Variants in CTNNA2 observed in about 807,000 individuals in gnomAD.
The protein encoded by CTNNA2 is catenin alpha-2.
A neutral mutation model predicts 101.0 loss-of-function variants in CTNNA2; 42 were observed. The observed-to-expected ratio is 0.42, with a 90% CI of 0.32 to 0.54. CTNNA2 has a LOEUF of 0.54. Ranked by LOEUF, CTNNA2 falls within the 20% of genes least tolerant of loss-of-function variation. The pLI is 0.14. For synonymous variants in CTNNA2, 450 were observed against 456.4 expected, an observed-to-expected ratio of 0.99 and a Z score of 0.18; for missense variants, 871 against 1,223.1, an observed-to-expected ratio of 0.71 and a Z score of 4.29.
intron 3 of CTNNA2, among the ~76,000 whole-genome samples, chr2:79,803,545 T>C (rs537126695): frequency 1.8e-4 from 27 of 150,586 alleles, no homozygotes; most frequent in African/African-American, 6.5e-4. Context: ...CTGTTGTTTG[T>C]GGCTTAAGGA....
At chr2:79,757,391 G>A (rs62140152) in intron 3 of CTNNA2, among the ~76,000 whole-genome samples, 1 of 152,162 alleles carries the variant, frequency 6.6e-6, no homozygotes, top group African/African-American at 2.4e-5. Flanking sequence ...TTATACATCT[G>A]TATGAATAAG....
At chr2:79,759,983 C>G (rs1672669226) in intron 3 of CTNNA2, among the ~76,000 whole-genome samples, 1 of 152,146 alleles carries the variant, frequency 6.6e-6, no homozygotes, top group South Asian at 2.1e-4. Context: ...GGTCTTAAAG[C>G]TATTCATTTT....
At chr2:80,134,094 T>G (rs1385298811) in intron 7 of CTNNA2, among the ~76,000 whole-genome samples, 2 of 152,156 alleles carry the variant, frequency 1.3e-5, no homozygotes, top group Non-Finnish European at 2.9e-5. Flanking sequence ...GTTGGGAAAA[T>G]TAACCCAGAG....
intron 4 of CTNNA2, among the ~76,000 whole-genome samples, chr2:79,401,068 G>A (rs1047378936): frequency 2.6e-5 from 4 of 151,656 alleles, no homozygotes; most frequent in African/African-American, 9.7e-5. Flanking sequence ...TTTACCACTA[G>A]CAGTATAAAA....
intron 7 of CTNNA2, among the ~76,000 whole-genome samples, chr2:79,989,282 G>T (rs755294999): frequency 6.6e-6 from 1 of 152,136 alleles, no homozygotes; most frequent in South Asian, 2.1e-4. Flanking sequence ...CCTGCTCTCG[G>T]CTTTGAGATA....
intron 12 of CTNNA2, among the ~76,000 whole-genome samples, chr2:80,562,929 G>C (rs1252365094): frequency 6.6e-6 from 1 of 151,852 alleles, no homozygotes; most frequent in African/African-American, 2.4e-5. Context: ...CGTGAAGGTG[G>C]AGATAGGGTA....
rs532036622 is a variant in CTNNA2, at chr2:79,241,914, C to CT, written c.-406+43847dup. The stretch of plus-strand genomic sequence containing the variant: ...CTTTTCTTTTCTTTTCTTTTCTTTT[C>CT]TTTTTTTTTGAGACAGAGTCTTGCT... On this transcript the variant is annotated intron_variant, in intron 2 of 21. Transcript: ENST00000466387. 9.7e-4 allele frequency among the ~76,000 whole-genome samples: 113 copies of CT among 117,016 alleles called. 4 individuals are homozygous for CT. In the South Asian group the frequency reaches 0.025, roughly 25 times the overall value. The allele number at this position is 117,016 out of a possible 152,430, so 76.8% of individuals were successfully genotyped here. A position where few individuals can be genotyped will look rare whatever the true frequency, so the allele number is the denominator to read the frequency against.
chr2:79,280,459 T>A (rs752244807), intron 2 of CTNNA2, among the ~76,000 whole-genome samples: 3 of 152,054 alleles, frequency 2.0e-5, no homozygotes, highest in Non-Finnish European at 4.4e-5. Context: ...AAACCAGTTG[T>A]AGGGTATGAT....
At chr2:80,641,242 T>TTATTC (rs1673447269) in intron 18 of CTNNA2, among the ~76,000 whole-genome samples, 1 of 152,210 alleles carries the variant, frequency 6.6e-6, no homozygotes, top group South Asian at 2.1e-4. Flanking sequence ...TTGGCTTATT[T>TTATTC]TATTCTATTT....
At chr2:80,276,047 T>C (rs1450656872) in intron 7 of CTNNA2, among the ~76,000 whole-genome samples, 1 of 152,200 alleles carries the variant, frequency 6.6e-6, no homozygotes, top group African/African-American at 2.4e-5. Context: ...ATGTTGGGAA[T>C]TTAAAGAAAG....
chr2:80,302,742 A>T lies in CTNNA2; in HGVS notation c.1057-90469A>T. On this transcript the variant is annotated intron_variant, in intron 7 of 18. Transcript: ENST00000402739. This position sits in a 1 kb window ranked among gnomAD's most constrained non-coding sequence, Gnocchi z 6.4. Reference sequence around the variant, plus strand: ...TCGGCCCCATCCTCGCACAGGTGGAAGGCGTACACGGCGTCCAGGACGTCC... The same window carrying T: ...TCGGCCCCATCCTCGCACAGGTGGATGGCGTACACGGCGTCCAGGACGTCC... 1 of 1,613,162 alleles carries T rather than the reference A, an allele frequency of 6.2e-7. No individual in the cohort carries two copies. The highest frequency in any genetic ancestry group is 1.6e-4 in the Middle Eastern group (1 of 6,062).
chr2:80,243,990 A>T (rs942357013), intron 7 of CTNNA2, among the ~76,000 whole-genome samples: 1 of 152,224 alleles, frequency 6.6e-6, no homozygotes, highest in African/African-American at 2.4e-5. Flanking sequence ...GGCCATCTGC[A>T]TCAAACGTGG....
chr2:79,614,763 A>G lies in CTNNA2; in HGVS notation c.-5-36789A>G, dbSNP rs147744722. On this transcript the variant is annotated intron_variant, in intron 1 of 18. Transcript: ENST00000402739. ...TTTCTGTAGAAAAAATAGAATGACA[A>G]TTCAGTCTTTCCTGTAGCATGGTTG... Among the ~76,000 whole-genome samples the G allele has an allele frequency of 2.4e-4, 36 of 152,330 alleles. No individual in the cohort carries two copies. In the East Asian group the frequency reaches 6.8e-3, roughly 29 times the overall value.
chr2:80,349,271 C>A (rs561348130), intron 7 of CTNNA2, among the ~76,000 whole-genome samples: 25 of 152,134 alleles, frequency 1.6e-4, no homozygotes, highest in Non-Finnish European at 2.8e-4. Context: ...CTGAGAAGGA[C>A]CTTGGCTTAT....
chr2:79,199,980 C>T (rs970440182), intron 2 of CTNNA2, among the ~76,000 whole-genome samples: 1 of 152,156 alleles, frequency 6.6e-6, no homozygotes, highest in South Asian at 2.1e-4. Context: ...TCTGCCACCA[C>T]TTTCTTTAAT....
chr2:80,092,226 G>A (rs372294578), intron 7 of CTNNA2, among the ~76,000 whole-genome samples: 27 of 152,210 alleles, frequency 1.8e-4, no homozygotes, highest in Admixed American at 7.2e-4. Flanking sequence ...CAGTTCAGCC[G>A]TTGTAACTCT....
intron 3 of CTNNA2, among the ~76,000 whole-genome samples, chr2:79,780,269 A>C (rs1674323671): frequency 6.6e-6 from 1 of 152,214 alleles, no homozygotes; most frequent in South Asian, 2.1e-4. Flanking sequence ...CACCATGGCC[A>C]CATGTTCTCA....
intron 3 of CTNNA2, among the ~76,000 whole-genome samples, chr2:79,779,294 G>T (rs1261389855): frequency 6.6e-6 from 1 of 152,126 alleles, no homozygotes; most frequent in Non-Finnish European, 1.5e-5. Context: ...AGGGTGACTG[G>T]CCTCTTCAAG....
intron 3 of CTNNA2, among the ~76,000 whole-genome samples, chr2:79,351,990 A>G (rs1172489671): frequency 6.6e-6 from 1 of 152,208 alleles, no homozygotes; most frequent in East Asian, 1.9e-4. Flanking sequence ...TTCTTTGAGA[A>G]ATCTCCAAAA....
Sources: allele counts gnomAD v4.1 joint callset (sites outside exome capture counted in the v4.1 genomes callset), GRCh38; gene constraint gnomAD v4.1.1; non-coding constraint Gnocchi (gnomAD v3.1); transcripts MANE v1.5; gene names NCBI Gene and HGNC (gene_info 2026-07-23, HGNC 2026-07-21).